Variants in TECPR1 observed in about 807,000 individuals in gnomAD.
TECPR1 encodes the protein tectonin beta-propeller repeat containing 1.
Under a neutral mutation model 162.4 loss-of-function variants are expected in TECPR1, and 122 were observed. The ratio of observed to expected loss-of-function variants is 0.75; its 90% CI spans 0.65 to 0.87. The LOEUF (loss-of-function observed/expected upper bound fraction) is 0.87, where lower values mean the gene tolerates loss of function less well. TECPR1 is among the 40% of genes least tolerant of loss of function. TECPR1 has a pLI of 0.00. For missense variants in TECPR1, 1,432 were observed against 1,618.2 expected (o/e 0.88, Z 1.97); for synonymous variants, 642 against 670.6 (o/e 0.96, Z 0.66).
Position 98,233,516 on chromosome 7 carries a change from T to C in TECPR1, c.1577A>G (p.Tyr526Cys). 6.4e-7 allele frequency: 1 copy of C among 1,563,772 alleles called. No individual in the cohort carries two copies. Among genetic ancestry groups the C allele is most frequent in the Non-Finnish European group, 8.6e-7 (1 of 1,158,764 alleles). ...GLLPLGLEEP[Y>C]GVDDHPLWAW... is the part of the protein sequence containing the mutation. Reference sequence around the variant, plus strand: ...CCACAGCGGGTGGTCATCCACCCCATACGGCTCCTCCAAGCCCAGTGGGAG... The same window carrying C: ...CCACAGCGGGTGGTCATCCACCCCACACGGCTCCTCCAAGCCCAGTGGGAG... Residue 526 changes from tyrosine (Y) to cysteine (C), a missense_variant, in exon 11 of 26, where the codon TAT becomes TGT. Physicochemically the swap from Tyr to Cys is radical, Grantham distance 194. Coordinates refer to ENST00000447648, the MANE Select transcript of TECPR1 (RefSeq NM_015395.3).
At chr7:98,230,075 C>T (rs747633) in intron 15 of TECPR1, among the ~76,000 whole-genome samples, 57,247 of 150,476 alleles carry the variant, frequency 0.38, 12,861 homozygotes, top group Middle Eastern at 0.61. Flanking sequence ...CACCTCACTG[C>T]AGCCTTGAAC....
Position 98,241,346 on chromosome 7 carries a change from C to A in TECPR1, c.658-102G>T, listed in dbSNP as rs1430253769. On this transcript the variant is annotated intron_variant, in intron 6 of 25. Transcript: ENST00000447648. The surrounding 1 kb of genome is among the most constrained non-coding windows in gnomAD (Gnocchi z 5.0). The stretch of plus-strand genomic sequence containing the variant: ...GGGGGTAGGACCCATGTCCCCTGAC[C>A]GTCCAGATCTCACTCCCTGCCCCCT... 1.4e-6 allele frequency: 2 copies of A among 1,423,908 alleles called. No individual in the cohort carries two copies. The highest frequency in any genetic ancestry group is 1.4e-5 in the African/African-American group (1 of 70,548). The allele number at this position is 1,423,908 out of a possible 1,614,324, so 88.2% of individuals were successfully genotyped here. A position where few individuals can be genotyped will look rare whatever the true frequency, so the allele number is the denominator to read the frequency against.
intron 9 of TECPR1, among the ~76,000 whole-genome samples, chr7:98,237,262 C>T (rs536910996): frequency 1.4e-4 from 21 of 152,254 alleles, no homozygotes; most frequent in African/African-American, 4.8e-4. Flanking sequence ...CAGATGCCCC[C>T]AGTGAACCCA....
In TECPR1 at chr7:98,232,138, A is replaced by G. The variant is rs763758984; in HGVS notation, c.1819-179T>C. Among the ~76,000 whole-genome samples the G allele has an allele frequency of 2.0e-5, 3 of 152,064 alleles. No individual in the cohort carries two copies. Among genetic ancestry groups the G allele is most frequent in the East Asian group, 1.9e-4 (1 of 5,158 alleles). ...TAACAGTGACGCTGCCGGACACCCAATAGGTGCAGGCTGAGCCAGGGCTGT... is the reference window on the plus strand; with the variant it reads ...TAACAGTGACGCTGCCGGACACCCAGTAGGTGCAGGCTGAGCCAGGGCTGT... On this transcript the variant is annotated intron_variant, in intron 12 of 25. Coordinates refer to ENST00000447648, the MANE Select transcript of TECPR1 (RefSeq NM_015395.3). The surrounding 1 kb of genome is among the most constrained non-coding windows in gnomAD (Gnocchi z 4.6).
Position 98,229,184 on chromosome 7 carries a change from G to A in TECPR1, c.2283-18C>T, listed in dbSNP as rs181351938. On this transcript the variant is annotated intron_variant, in intron 15 of 25. Transcript: ENST00000447648. ...GCCAAAACCTGGAAGGATGGGAGAG[G>A]GCAGGTGGAAACCCCTCAGACCCCA... 84 of 1,552,114 alleles carry A rather than the reference G, an allele frequency of 5.4e-5. 1 individual carries two copies. The East Asian group carries it at 1.8e-3, about 34-fold the overall frequency.
rs760749420 is a variant in TECPR1, at chr7:98,241,245, C to T, written c.658-1G>A. ...GGCTGACGTCCTCTCTGTACCACAC[C>T]TGGGAGGCAAGACAGGGACACAGCA... On this transcript the variant is annotated splice_acceptor_variant, in intron 6 of 25. Transcript: ENST00000447648. LOFTEE classifies it high-confidence loss of function. The surrounding 1 kb of genome is among the most constrained non-coding windows in gnomAD (Gnocchi z 5.0). 5 of 1,612,388 alleles carry T rather than the reference C, an allele frequency of 3.1e-6. No homozygotes were observed. Among genetic ancestry groups the T allele is most frequent in the South Asian group, 1.1e-5 (1 of 91,044 alleles).
chr7:98,222,444 G>T lies in TECPR1; in HGVS notation c.3006C>A (p.Ala1002=). The T allele has an allele frequency of 6.3e-7, 1 of 1,595,978 alleles. No homozygotes were observed. Among genetic ancestry groups the T allele is most frequent in the East Asian group, 2.3e-5 (1 of 43,980 alleles). Residue 1002 remains alanine, a synonymous_variant, in exon 22 of 26, where the codon GCC becomes GCA. Transcript: ENST00000447648. The part of the protein sequence containing the change: ...ISIGACYQVW[A]VARDGSAFYR... ...AGAAGGCGGAGCCGTCCCTTGCCAC[G>T]GCCCACACCTGGTAGCAGGCCCCGA...
chr7:98,217,208 G>A lies in TECPR1; in HGVS notation c.*182C>T. The A allele has an allele frequency of 1.7e-6, 1 of 586,376 alleles. No individual in the cohort carries two copies. Among genetic ancestry groups the A allele is most frequent in the Non-Finnish European group, 3.0e-6 (1 of 329,682 alleles). 36.3% of individuals were successfully genotyped at this position (586,376 alleles called of 1,614,324 possible). ...GGACACGTGTGGGAGTGTCCGCGGA[G>A]CTTCACATTTCAGGGCCGTCTCAGC... is the stretch of plus-strand genomic sequence containing the variant. On this transcript the variant is annotated 3_prime_UTR_variant, in exon 26 of 26. Coordinates refer to ENST00000447648, the MANE Select transcript of TECPR1 (RefSeq NM_015395.3).
intron 18 of TECPR1, 46 bp downstream of exon 18, chr7:98,224,960 G>A: frequency 6.5e-7 from 1 of 1,538,272 alleles, no homozygotes; most frequent in East Asian, 2.5e-5. Flanking sequence ...GCAAGGAGGG[G>A]TGGGAGGGCG....
chr7:98,240,841 C>T lies in TECPR1; in HGVS notation c.933+10G>A, dbSNP rs756670245. 14 of 1,591,418 alleles carry T rather than the reference C, an allele frequency of 8.8e-6. No individual in the cohort carries two copies. The South Asian group carries it at 1.6e-4, about 18-fold the overall frequency. On this transcript the variant is annotated intron_variant, in intron 8 of 25. Coordinates refer to ENST00000447648, the MANE Select transcript of TECPR1 (RefSeq NM_015395.3). ...GCTCAAGTGATCCCCCAGCCTCATC[C>T]CCATCTTACCTTCCAGTCCTTGGTG...
At chr7:98,228,905 G>T in intron 16 of TECPR1, 134 bp downstream of exon 16, 1 of 1,291,012 alleles carries the variant, frequency 7.7e-7, no homozygotes, top group African/African-American at 1.5e-5. Context: ...CAGTGGTGAA[G>T]GTCACCTGTC....
intron 8 of TECPR1, among the ~76,000 whole-genome samples, chr7:98,240,342 G>C (rs908701280): frequency 1.3e-5 from 2 of 152,066 alleles, no homozygotes; most frequent in Non-Finnish European, 2.9e-5. Flanking sequence ...AGGATTTTAC[G>C]GCACAAAACG....
chr7:98,221,639 A>T, intron 23 of TECPR1, 22 bp downstream of exon 23: 1 of 1,610,912 alleles, frequency 6.2e-7, no homozygotes, highest in Non-Finnish European at 8.5e-7. Flanking sequence ...AACATTAAAA[A>T]TTTAAAAAAA....
At chr7:98,233,232 A>G in intron 11 of TECPR1, 189 bp downstream of exon 11, 1 of 894,456 alleles carries the variant, frequency 1.1e-6, no homozygotes, top group South Asian at 2.4e-5. Flanking sequence ...CCAGGTCCTG[A>G]CAGCCTCGGG....
Position 98,233,614 on chromosome 7 carries a change from C to G in TECPR1, c.1479G>C (p.Lys493Asn). The G allele has an allele frequency of 1.3e-6, 2 of 1,588,032 alleles. No homozygotes were observed. The highest frequency in any genetic ancestry group is 2.3e-5 in the South Asian group (2 of 87,330). ...AELPWTNIDL[K>N]EAKKVPSHSA... ...AGTGGCTGGGCACTTTCTTGGCCTCCTTGAGGTCAATATTGGTCCAGGGCA... is the reference window on the plus strand; with the variant it reads ...AGTGGCTGGGCACTTTCTTGGCCTCGTTGAGGTCAATATTGGTCCAGGGCA... The change falls in exon 11 of 26, where the codon AAG becomes AAC. Residue 493 changes from lysine to asparagine, a missense_variant. Physicochemically the swap from Lys to Asn is moderately conservative, Grantham distance 94. Coordinates refer to ENST00000447648, the MANE Select transcript of TECPR1 (RefSeq NM_015395.3).
At chr7:98,217,575 C>T in intron 25 of TECPR1, 72 bp from the exon 26 acceptor site, 1 of 1,541,152 alleles carries the variant, frequency 6.5e-7, no homozygotes. Context: ...GCCTGGGGGC[C>T]TCCCTGCAAC....
chr7:98,227,386 G>A (rs1177414628), intron 17 of TECPR1, among the ~76,000 whole-genome samples: 6 of 142,478 alleles, frequency 4.2e-5, no homozygotes, highest in Admixed American at 1.4e-4. Flanking sequence ...GGCGAGACTC[G>A]GTCTCAAAAA....
intron 4 of TECPR1, 67 bp from the exon 5 acceptor site, chr7:98,244,760 G>A: frequency 1.3e-6 from 2 of 1,582,676 alleles, no homozygotes; most frequent in South Asian, 1.2e-5. Context: ...GGGAAGGTGG[G>A]GAGGGAGGGT....
Position 98,217,337 on chromosome 7 carries a change from C to A in TECPR1, c.*53G>T, listed in dbSNP as rs1798035583. On this transcript the variant is annotated 3_prime_UTR_variant, in exon 26 of 26. Coordinates refer to ENST00000447648, the MANE Select transcript of TECPR1 (RefSeq NM_015395.3). Reference sequence around the variant, plus strand: ...ACACTCCAGCACAAGAATGGCTCAGCCTTGATCCCCCAAACTGGGCACCGT... The same window carrying A: ...ACACTCCAGCACAAGAATGGCTCAGACTTGATCCCCCAAACTGGGCACCGT... 6.7e-6 allele frequency: 8 copies of A among 1,200,166 alleles called. No individual in the cohort carries two copies. Among genetic ancestry groups the A allele is most frequent in the Non-Finnish European group, 9.3e-6 (8 of 858,950 alleles). 74.3% of individuals were successfully genotyped at this position (1,200,166 alleles called of 1,614,324 possible).
Sources: gnomAD v4.1 joint callset for allele counts (sites outside exome capture counted in the v4.1 genomes callset) on GRCh38, gnomAD v4.1.1 for gene constraint, Gnocchi (gnomAD v3.1) non-coding constraint, MANE v1.5 for transcripts, NCBI Gene and HGNC (gene_info 2026-07-23, HGNC 2026-07-21) for gene names.